Variants in ZNF280C observed in about 807,000 individuals in gnomAD.
ZNF280C encodes zinc finger protein 280C, also known as suppressor of hairy wing homolog 3.
ZNF280C carries 14 observed loss-of-function variants against 53.6 expected under a neutral mutation model. That is an observed-to-expected ratio of 0.26 (90% confidence interval 0.17 to 0.41). ZNF280C has a LOEUF of 0.41. ZNF280C is among the 10% of genes least tolerant of loss of function. The probability of loss-of-function intolerance (pLI) is 1.00; values close to 1 mark genes in which losing one functional copy is unlikely to be tolerated. For synonymous variants in ZNF280C, 203 were observed against 181.1 expected (o/e 1.12, Z -0.97); for missense variants, 416 against 547.1 (o/e 0.76, Z 2.39).
intron 16 of ZNF280C, among the ~76,000 whole-genome samples, chrX:130,207,467 C>A (rs2031988265): frequency 9.0e-6 from 1 of 111,456 alleles, no homozygotes; most frequent in Non-Finnish European, 1.9e-5. Context: ...TCAAGTGATT[C>A]TCTTGCCTCA....
At chrX:130,228,260 A>G (rs958233809) in intron 10 of ZNF280C, among the ~76,000 whole-genome samples, 1 of 111,795 alleles carries the variant, frequency 8.9e-6, no homozygotes, top group African/African-American at 3.2e-5. Context: ...TGAATTGTTT[A>G]TAAGAAAGAT....
rs2031932194 is a variant in ZNF280C at position 130,203,162 on chromosome X, C to A, written c.*1815G>T. 1 of 111,107 alleles carries A rather than the reference C, an allele frequency of 9.0e-6. No homozygotes were observed. The highest frequency in any genetic ancestry group is 3.7e-4 in the South Asian group (1 of 2,677). 9.2% of individuals were successfully genotyped at this position (111,107 alleles called of 1,213,427 possible). A position where few individuals can be genotyped will look rare whatever the true frequency, so the allele number is the denominator to read the frequency against. ...TAAGTAGCTACACGAAATCTGTAGA[C>A]AATTCTAAGAAATGTCTTGGAGTTT... On this transcript the variant is annotated 3_prime_UTR_variant, in exon 19 of 19. Coordinates refer to ENST00000370978, the MANE Select transcript of ZNF280C (RefSeq NM_017666.5).
At chrX:130,221,427 C>T (rs1209926085) in intron 12 of ZNF280C, among the ~76,000 whole-genome samples, 4 of 111,496 alleles carry the variant, frequency 3.6e-5, no homozygotes, top group Admixed American at 9.6e-5. Flanking sequence ...ATCCACCCAC[C>T]GCCTACTTGA....
rs1173145557 is a variant in ZNF280C at position 130,203,863 on chromosome X, G to A, written c.*1114C>T. 1 of 110,889 alleles carries A rather than the reference G, an allele frequency of 9.0e-6. No individual in the cohort carries two copies. The highest frequency in any genetic ancestry group is 1.9e-5 in the Non-Finnish European group (1 of 53,047). The allele number at this position is 110,889 out of a possible 1,213,427, so 9.1% of individuals were successfully genotyped here. ...TCCTTGGACTGCATGCCTGCTAGAG[G>A]AAGATTAAAGAACAGCAGCCAAAAT... On this transcript the variant is annotated 3_prime_UTR_variant, in exon 19 of 19. Transcript: ENST00000370978.
At chrX:130,231,748 T>C (rs2032278250) in intron 8 of ZNF280C, among the ~76,000 whole-genome samples, 1 of 111,116 alleles carries the variant, frequency 9.0e-6, no homozygotes, top group Non-Finnish European at 1.9e-5. Context: ...TAGCTTAGGC[T>C]GGGTGTGGTG....
chrX:130,261,014 A>G (rs761862107), intron 1 of ZNF280C, among the ~76,000 whole-genome samples: 2 of 112,374 alleles, frequency 1.8e-5, no homozygotes, highest in East Asian at 5.5e-4. Flanking sequence ...AAACACATAC[A>G]TTTAGATATT....
intron 6 of ZNF280C, among the ~76,000 whole-genome samples, chrX:130,238,504 T>C (rs1162303954): frequency 9.0e-6 from 1 of 111,589 alleles, no homozygotes; most frequent in African/African-American, 3.2e-5. Context: ...CAATCAACTA[T>C]AATCCTATTT....
At chrX:130,256,296 C>T (rs1368185717) in intron 2 of ZNF280C, among the ~76,000 whole-genome samples, 3 of 111,544 alleles carry the variant, frequency 2.7e-5, no homozygotes, top group African/African-American at 9.8e-5. Context: ...AAAGAAAGTC[C>T]CAGGACAAGA....
chrX:130,220,498 T>C lies in ZNF280C; in HGVS notation c.1396-18A>G, dbSNP rs369246698. On this transcript the variant is annotated intron_variant, in intron 12 of 18. Coordinates refer to ENST00000370978, the MANE Select transcript of ZNF280C (RefSeq NM_017666.5). ...CCTTTTTTCTGTTTACAGAAAATAT[T>C]AGATATAATAACTTCCACCACCACA... The C allele has an allele frequency of 2.6e-6, 3 of 1,171,053 alleles. No individual in the cohort carries two copies. The highest frequency in any genetic ancestry group is 3.0e-5 in the East Asian group (1 of 33,135).
intron 11 of ZNF280C, among the ~76,000 whole-genome samples, chrX:130,227,124 T>A (rs1279016777): frequency 1.8e-5 from 2 of 111,163 alleles, no homozygotes; most frequent in Non-Finnish European, 3.8e-5. Flanking sequence ...ACAGTAAGAC[T>A]CTCTTCTTCT....
At chrX:130,253,954 G>C (rs778831239) in intron 2 of ZNF280C, among the ~76,000 whole-genome samples, 2 of 112,099 alleles carry the variant, frequency 1.8e-5, no homozygotes, top group Admixed American at 9.5e-5. Context: ...AAAGAAACTA[G>C]AGACAGAGTA....
intron 1 of ZNF280C, among the ~76,000 whole-genome samples, chrX:130,264,283 G>C (rs1569441859): frequency 1.8e-5 from 2 of 111,008 alleles, no homozygotes; most frequent in Non-Finnish European, 3.8e-5. Context: ...TCAGTTAAGA[G>C]AGAAAATAAT....
rs1192246792 is a variant in ZNF280C, at chrX:130,222,529, TTTCA to T, written c.1396-2053_1396-2050del. ...TTTAACTAGTTCAAAGTGTCTGCCATTTCATTCAATGAGTATTTACTTGTCCAGA... is the reference window on the plus strand; with the variant it reads ...TTTAACTAGTTCAAAGTGTCTGCCATTTCAATGAGTATTTACTTGTCCAGA... On this transcript the variant is annotated intron_variant, in intron 12 of 18. Transcript: ENST00000370978. 8.9e-4 allele frequency among the ~76,000 whole-genome samples: 100 copies of T among 112,166 alleles called. 1 individual carries two copies. The highest frequency in any genetic ancestry group is 3.1e-3 in the African/African-American group (96 of 30,970).
intron 6 of ZNF280C, 87 bp downstream of exon 6, chrX:130,239,495 T>A: frequency 2.0e-6 from 1 of 506,092 alleles, no homozygotes; most frequent in South Asian, 3.7e-5. Context: ...AACATGAAGG[T>A]ATGGGCTTCA....
chrX:130,212,783 GAC>G (rs2032053621), intron 15 of ZNF280C, among the ~76,000 whole-genome samples: 2 of 111,281 alleles, frequency 1.8e-5, no homozygotes, highest in South Asian at 7.7e-4. Flanking sequence ...AATATCTACA[GAC>G]ACAATGAATG....
chrX:130,212,041 C>T (rs926443585), intron 15 of ZNF280C, among the ~76,000 whole-genome samples: 2 of 111,356 alleles, frequency 1.8e-5, no homozygotes, highest in African/African-American at 6.5e-5. Context: ...TGCAGAACCA[C>T]TGTAGTAGTG....
At chrX:130,243,479 C>A (rs2032415770) in intron 5 of ZNF280C, 84 bp downstream of exon 5, 1 of 1,053,373 alleles carries the variant, frequency 9.5e-7, no homozygotes, top group African/African-American at 1.9e-5. Context: ...GCCACTGTGC[C>A]CGGCTGACAG....
chrX:130,255,042 C>T (rs1209487567), intron 2 of ZNF280C, among the ~76,000 whole-genome samples: 1 of 103,864 alleles, frequency 9.6e-6, no homozygotes, highest in Non-Finnish European at 2.0e-5. Flanking sequence ...AAAAAAAAGT[C>T]AAATGTCAAA....
intron 15 of ZNF280C, among the ~76,000 whole-genome samples, chrX:130,213,794 G>T (rs974059842): frequency 9.0e-6 from 1 of 111,593 alleles, no homozygotes; most frequent in Admixed American, 9.5e-5. Context: ...AGAAGTAAAG[G>T]TATCATAAGG....
Sources: gnomAD v4.1 joint callset for allele counts (sites outside exome capture counted in the v4.1 genomes callset) on GRCh38, gnomAD v4.1.1 for gene constraint, MANE v1.5 for transcripts, NCBI Gene and HGNC (gene_info 2026-07-23, HGNC 2026-07-21) for gene names.